The following KLHL32 variants were observed in gnomAD, a reference collection of about 807,000 sequenced individuals.
KLHL32 encodes kelch like family member 32.
Under a neutral mutation model 64.8 loss-of-function variants are expected in KLHL32, and 35 were observed. That is an observed-to-expected ratio of 0.54 (90% CI 0.41 to 0.72). The LOEUF is 0.72. Ranked by LOEUF, KLHL32 falls within the 30% of genes least tolerant of loss-of-function variation. The pLI is 0.00. For synonymous variants in KLHL32, 259 were observed against 281.0 expected, an observed-to-expected ratio of 0.92 and a Z score of 0.78; for missense variants, 589 against 768.5, an observed-to-expected ratio of 0.77 and a Z score of 2.76.
intron 4 of KLHL32, among the ~76,000 whole-genome samples, chr6:97,056,952 T>C (rs1371786235): frequency 1.3e-5 from 2 of 152,184 alleles, no homozygotes; most frequent in African/African-American, 2.4e-5. Context: ...GAGACAAATA[T>C]GTAAATGAAT....
At chr6:96,975,952 G>A in intron 2 of KLHL32, 45 bp from the exon 3 acceptor site, 2 of 1,470,926 alleles carry the variant, frequency 1.4e-6, no homozygotes, top group Non-Finnish European at 1.8e-6. Flanking sequence ...TGGCCCACAG[G>A]GCTGGGAAAA....
At chr6:96,982,508 ACT>A (rs1292790019) in intron 3 of KLHL32, among the ~76,000 whole-genome samples, 3 of 151,968 alleles carry the variant, frequency 2.0e-5, no homozygotes, top group South Asian at 2.1e-4. Flanking sequence ...CAAACTTGCC[ACT>A]CTCTGCCTTT....
At chr6:96,964,979 G>T (rs1274626993) in intron 1 of KLHL32, among the ~76,000 whole-genome samples, 2 of 152,160 alleles carry the variant, frequency 1.3e-5, no homozygotes, top group Admixed American at 6.5e-5. Context: ...GAGCAATGGA[G>T]TTTTTTAGCC....
intron 1 of KLHL32, among the ~76,000 whole-genome samples, chr6:96,943,709 C>T (rs1028947782): frequency 1.3e-5 from 2 of 152,220 alleles, no homozygotes; most frequent in Non-Finnish European, 2.9e-5. Flanking sequence ...ATTTCATAAG[C>T]CTTCACTGCT....
intron 7 of KLHL32, among the ~76,000 whole-genome samples, chr6:97,126,577 G>A (rs1398154387): frequency 6.6e-6 from 1 of 152,140 alleles, no homozygotes; most frequent in East Asian, 1.9e-4. Context: ...CACCACAATA[G>A]CAATTGCACT....
chr6:97,015,313 G>A (rs1781004139), intron 3 of KLHL32, among the ~76,000 whole-genome samples: 1 of 152,198 alleles, frequency 6.6e-6, no homozygotes, highest in Non-Finnish European at 1.5e-5. Flanking sequence ...ACAGGCAGAG[G>A]TTGGAACAGT....
chr6:97,061,014 G>T (rs1012985151), intron 4 of KLHL32, among the ~76,000 whole-genome samples: 1 of 152,128 alleles, frequency 6.6e-6, no homozygotes, highest in Admixed American at 6.5e-5. Context: ...GTAATGAGAT[G>T]TGATCATCTC....
intron 1 of KLHL32, among the ~76,000 whole-genome samples, chr6:96,928,081 GT>G (rs1769381928): frequency 6.6e-6 from 1 of 152,132 alleles, no homozygotes; most frequent in South Asian, 2.1e-4. Context: ...TTATAGACAT[GT>G]ACATAATTGT....
chr6:97,075,468 A>G (rs1401373459), intron 5 of KLHL32, among the ~76,000 whole-genome samples: 2 of 152,142 alleles, frequency 1.3e-5, no homozygotes, highest in East Asian at 3.8e-4. Context: ...TTTTTCTTCT[A>G]TAACAATTAG....
At chr6:96,996,312 A>G (rs536880330) in intron 3 of KLHL32, among the ~76,000 whole-genome samples, 10 of 152,202 alleles carry the variant, frequency 6.6e-5, no homozygotes, top group Non-Finnish European at 1.3e-4. Flanking sequence ...TTTTTCCGTT[A>G]GAGGCTGGGC....
At chr6:96,930,908 A>G (rs1420470163) in intron 1 of KLHL32, among the ~76,000 whole-genome samples, 2 of 152,162 alleles carry the variant, frequency 1.3e-5, no homozygotes. Context: ...TCAGGGGTCC[A>G]CATCTGCAAA....
intron 6 of KLHL32, among the ~76,000 whole-genome samples, chr6:97,110,158 A>AT: frequency 6.6e-6 from 1 of 152,220 alleles, no homozygotes; most frequent in Non-Finnish European, 1.5e-5. Flanking sequence ...GATGAGTACC[A>AT]TTTTTCCATA....
At chr6:96,945,838 C>G (rs1771854652) in intron 1 of KLHL32, among the ~76,000 whole-genome samples, 1 of 152,060 alleles carries the variant, frequency 6.6e-6, no homozygotes, top group African/African-American at 2.4e-5. Flanking sequence ...GATTCAGAGG[C>G]TGGCATTGTT....
chr6:97,010,500 G>A (rs1007439990), intron 3 of KLHL32, among the ~76,000 whole-genome samples: 3 of 152,164 alleles, frequency 2.0e-5, no homozygotes, highest in African/African-American at 7.2e-5. Flanking sequence ...ATCCTATATA[G>A]TGCATTGTTC....
intron 1 of KLHL32, among the ~76,000 whole-genome samples, chr6:96,936,029 G>C (rs1401871711): frequency 3.3e-5 from 5 of 152,164 alleles, no homozygotes; most frequent in Non-Finnish European, 7.4e-5. Context: ...AGCTCAGCCT[G>C]TCCCTTTAAG....
chr6:96,909,602 G>T, the KLHL32 span, among the ~76,000 whole-genome samples: 2 of 152,182 alleles, frequency 1.3e-5, no homozygotes, highest in Non-Finnish European at 2.9e-5. Flanking sequence ...CAGAGATAGG[G>T]GAAACTTTGC....
At chr6:97,102,433 G>T (rs2128198077) in intron 6 of KLHL32, among the ~76,000 whole-genome samples, 1 of 151,986 alleles carries the variant, frequency 6.6e-6, no homozygotes, top group Admixed American at 6.6e-5. Context: ...TTCCAGTGTA[G>T]TTATACAATA....
upstream of KLHL32, among the ~76,000 whole-genome samples, chr6:96,921,237 A>G (rs979437461): frequency 1.3e-5 from 2 of 152,234 alleles, no homozygotes; most frequent in African/African-American, 4.8e-5. Flanking sequence ...ATTTTTACAA[A>G]GCTCCCATCA....
chr6:97,039,000 G>A (rs576810771), intron 3 of KLHL32, among the ~76,000 whole-genome samples: 204 of 150,236 alleles, frequency 1.4e-3, no homozygotes, highest in African/African-American at 4.6e-3. Flanking sequence ...TGAGGAAGGA[G>A]AATTGCTTGG....
Sources: gnomAD v4.1 joint callset for allele counts (sites outside exome capture counted in the v4.1 genomes callset) on GRCh38, gnomAD v4.1.1 for gene constraint, MANE v1.5 for transcripts, NCBI Gene and HGNC (gene_info 2026-07-23, HGNC 2026-07-21) for gene names.